ULK4: variants seen among roughly 807,000 people sequenced by gnomAD.
ULK4 encodes unc-51 like kinase 4, also known as inactive serine/threonine-protein kinase ULK4.
In ULK4, 133 loss-of-function variants were observed where a neutral mutation model predicts 160.6. That is an observed-to-expected ratio of 0.83 (90% CI 0.72 to 0.96). The LOEUF (loss-of-function observed/expected upper bound fraction) is 0.96, where lower values mean the gene tolerates loss of function less well. Among genes scored for constraint, ULK4 ranks in the 40% least tolerant of loss-of-function variants. The pLI, the probability that ULK4 is intolerant of heterozygous loss-of-function variation, is 0.00. For synonymous variants in ULK4, 534 were observed against 539.8 expected, an observed-to-expected ratio of 0.99 and a Z score of 0.15; for missense variants, 1,580 against 1,499.5, an observed-to-expected ratio of 1.05 and a Z score of -0.89.
rs112701284 is a variant in ULK4, at chr3:41,637,851, G to A, written c.3072-22134C>T. Among the ~76,000 whole-genome samples the A allele has an allele frequency of 2.0e-3, 308 of 152,226 alleles. 3 individuals are homozygous for A. Among genetic ancestry groups the A allele is most frequent in the African/African-American group, 7.0e-3 (292 of 41,550 alleles). ...ATCTGGGTATCTTCTTTTGAGAAAC[G>A]TCCATTCAGATCCTTTGCCCATTTT... On this transcript the variant is annotated intron_variant, in intron 30 of 36. Transcript: ENST00000301831.
intron 34 of ULK4, among the ~76,000 whole-genome samples, chr3:41,419,437 C>T (rs567671893): frequency 5.9e-5 from 9 of 152,234 alleles, no homozygotes; most frequent in Admixed American, 1.3e-4. Flanking sequence ...AGTAGATTTA[C>T]AAGAATGGAG....
chr3:41,366,074 C>A (rs1052506816), intron 35 of ULK4, among the ~76,000 whole-genome samples: 9 of 152,124 alleles, frequency 5.9e-5, no homozygotes, highest in African/African-American at 2.2e-4. Context: ...ACAAACCAGG[C>A]TAATAATGGC....
chr3:41,886,940 A>G (rs1309061975), intron 16 of ULK4, among the ~76,000 whole-genome samples: 1 of 152,168 alleles, frequency 6.6e-6, no homozygotes, highest in Non-Finnish European at 1.5e-5. Context: ...GTAAACTTCA[A>G]TTTTCTTCTC....
At chr3:41,822,447 C>G (rs892777178) in intron 18 of ULK4, among the ~76,000 whole-genome samples, 2 of 151,946 alleles carry the variant, frequency 1.3e-5, no homozygotes, top group African/African-American at 4.8e-5. Context: ...TACCAAGTTT[C>G]GCTCTTGTTG....
At chr3:41,704,102 C>T (rs1168151147) in intron 27 of ULK4, among the ~76,000 whole-genome samples, 1 of 152,096 alleles carries the variant, frequency 6.6e-6, no homozygotes, top group Admixed American at 6.5e-5. Context: ...TAAAATTTTG[C>T]CTTTAGGGTT....
intron 2 of ULK4, among the ~76,000 whole-genome samples, chr3:41,945,397 C>T (rs1342636229): frequency 6.6e-6 from 1 of 152,090 alleles, no homozygotes; most frequent in Non-Finnish European, 1.5e-5. Context: ...TTTGTAGCTC[C>T]CCAGAGCCTG....
intron 18 of ULK4, 73 bp downstream of exon 18, chr3:41,835,791 G>C (rs1319999579): frequency 4.4e-6 from 5 of 1,148,964 alleles, no homozygotes; most frequent in Non-Finnish European, 5.0e-6. Flanking sequence ...AACTTTTATA[G>C]GATATTAATA....
At chr3:41,460,282 C>A (rs755021754) in intron 33 of ULK4, among the ~76,000 whole-genome samples, 10 of 152,036 alleles carry the variant, frequency 6.6e-5, no homozygotes, top group Non-Finnish European at 1.3e-4. Flanking sequence ...TAAACAAGGC[C>A]CAGATTGGAA....
intron 35 of ULK4, among the ~76,000 whole-genome samples, chr3:41,288,640 C>T (rs927687614): frequency 1.3e-5 from 2 of 152,166 alleles, no homozygotes; most frequent in East Asian, 3.8e-4. Flanking sequence ...CTAGGAAATA[C>T]AATTTATATT....
chr3:41,310,731 G>T (rs571371723), intron 35 of ULK4, among the ~76,000 whole-genome samples: 2 of 152,038 alleles, frequency 1.3e-5, no homozygotes, highest in South Asian at 2.1e-4. Flanking sequence ...AGTGGCTCAC[G>T]CCTGTAATCC....
At chr3:41,843,098 G>C (rs538639729) in intron 17 of ULK4, among the ~76,000 whole-genome samples, 19 of 152,184 alleles carry the variant, frequency 1.2e-4, no homozygotes, top group Non-Finnish European at 2.5e-4. Context: ...ATAGGATAAC[G>C]TCTTCAGGAT....
chr3:41,705,899 G>A (rs920735527), intron 25 of ULK4, among the ~76,000 whole-genome samples: 18 of 152,012 alleles, frequency 1.2e-4, no homozygotes, highest in African/African-American at 3.6e-4. Flanking sequence ...TTACTTGCTC[G>A]CCATATCAGA....
intron 17 of ULK4, among the ~76,000 whole-genome samples, chr3:41,853,024 G>A (rs767833265): frequency 2.6e-5 from 4 of 152,184 alleles, no homozygotes; most frequent in Admixed American, 6.5e-5. Context: ...ACACCTGGGA[G>A]TCTGCTAGGC....
chr3:41,470,866 C>G (rs570371877), intron 32 of ULK4, among the ~76,000 whole-genome samples: 1 of 152,020 alleles, frequency 6.6e-6, no homozygotes, highest in African/African-American at 2.4e-5. Context: ...AGGAAAGATT[C>G]AAAGCATATC....
At chr3:41,905,432 T>C (rs2148796514) in intron 12 of ULK4, among the ~76,000 whole-genome samples, 1 of 152,220 alleles carries the variant, frequency 6.6e-6, no homozygotes, top group African/African-American at 2.4e-5. Flanking sequence ...GTAGCAATGG[T>C]TTTTTTAGAT....
intron 22 of ULK4, among the ~76,000 whole-genome samples, chr3:41,744,989 G>A (rs1307306940): frequency 6.6e-6 from 1 of 151,032 alleles, no homozygotes; most frequent in African/African-American, 2.4e-5. Flanking sequence ...AGTTTCAAAG[G>A]AAATTAAAAA....
chr3:41,709,775 A>T (rs1313367615), intron 25 of ULK4, among the ~76,000 whole-genome samples: 2 of 152,230 alleles, frequency 1.3e-5, no homozygotes, highest in South Asian at 2.1e-4. Flanking sequence ...CATAACTTTT[A>T]TCGAATAAAA....
intron 2 of ULK4, among the ~76,000 whole-genome samples, chr3:41,949,880 C>T (rs1297267129): frequency 6.6e-6 from 1 of 151,210 alleles, no homozygotes; most frequent in Non-Finnish European, 1.5e-5. Flanking sequence ...GAGAGTAAAG[C>T]ACACACCACT....
intron 6 of ULK4, among the ~76,000 whole-genome samples, chr3:41,918,819 T>C (rs1699067642): frequency 6.6e-6 from 1 of 152,016 alleles, no homozygotes; most frequent in South Asian, 2.1e-4. Context: ...GCCAGGATGG[T>C]CTCAATCTCC....
Sources: gnomAD v4.1 joint callset for allele counts (sites outside exome capture counted in the v4.1 genomes callset) on GRCh38, gnomAD v4.1.1 for gene constraint, MANE v1.5 for transcripts, NCBI Gene and HGNC (gene_info 2026-07-23, HGNC 2026-07-21) for gene names.